Variants in PPARGC1A observed in about 807,000 individuals in gnomAD.
PPARGC1A encodes PPARG coactivator 1 alpha.
PPARGC1A carries 25 observed loss-of-function variants against 88.7 expected under a neutral mutation model. That is an observed-to-expected ratio of 0.28 (90% CI 0.21 to 0.39). The LOEUF is 0.39. Ranked by LOEUF, PPARGC1A falls within the 10% of genes least tolerant of loss-of-function variation. PPARGC1A has a pLI of 1.00. For missense variants in PPARGC1A, 880 were observed against 968.7 expected (o/e 0.91, Z 1.22); for synonymous variants, 363 against 355.6 (o/e 1.02, Z -0.24).
the PPARGC1A span, among the ~76,000 whole-genome samples, chr4:24,242,370 G>A: frequency 1.9e-3 from 294 of 152,288 alleles, no homozygotes; most frequent in African/African-American, 6.8e-3. Context: ...CAGATAACTT[G>A]ATGTGTTCTG....
the PPARGC1A span, among the ~76,000 whole-genome samples, chr4:24,123,550 G>A: frequency 3.3e-5 from 5 of 152,164 alleles, no homozygotes; most frequent in African/African-American, 1.2e-4. Context: ...TTCCACTATC[G>A]TTCTTGTCGG....
chr4:24,299,661 C>A, the PPARGC1A span, among the ~76,000 whole-genome samples: 1 of 151,800 alleles, frequency 6.6e-6, no homozygotes, highest in Non-Finnish European at 1.5e-5. Flanking sequence ...GGTATCCAAT[C>A]AAATCTCTGT....
At position 23,793,593 on chromosome 4, in the gene PPARGC1A, A is replaced by T. The variant is rs755845294; in HGVS notation, c.*2229T>A. On this transcript the variant is annotated 3_prime_UTR_variant, in exon 13 of 13. Transcript: ENST00000264867. ...GTGTATCATGTCTTCCAGAAAAGTCATGTCAGCCAAACAGTAATCGAATCT... is the reference window on the plus strand; with the variant it reads ...GTGTATCATGTCTTCCAGAAAAGTCTTGTCAGCCAAACAGTAATCGAATCT... The T allele has an allele frequency of 6.6e-6, 1 of 152,242 alleles. No individual in the cohort carries two copies. Among genetic ancestry groups the T allele is most frequent in the South Asian group, 2.1e-4 (1 of 4,832 alleles). 9.4% of individuals were successfully genotyped at this position (152,242 alleles called of 1,614,324 possible).
At chr4:24,256,447 G>C in the PPARGC1A span, among the ~76,000 whole-genome samples, 1 of 152,186 alleles carries the variant, frequency 6.6e-6, no homozygotes, top group Non-Finnish European at 1.5e-5. Context: ...ATGACAGTTA[G>C]TAAACAGGAG....
chr4:24,197,164 A>G, the PPARGC1A span, among the ~76,000 whole-genome samples: 1 of 152,228 alleles, frequency 6.6e-6, no homozygotes, highest in African/African-American at 2.4e-5. Context: ...GAAAGTTAGT[A>G]TTAGCCACCC....
chr4:24,270,014 G>T, the PPARGC1A span, among the ~76,000 whole-genome samples: 1 of 152,300 alleles, frequency 6.6e-6, no homozygotes, highest in South Asian at 2.1e-4. Context: ...ATTTATGAGA[G>T]TGTTTCTGGA....
chr4:23,968,991 C>T, the PPARGC1A span, among the ~76,000 whole-genome samples: 1 of 152,152 alleles, frequency 6.6e-6, no homozygotes, highest in East Asian at 1.9e-4. Flanking sequence ...TCATAGCTTG[C>T]AAAGGGCTTT....
intron 2 of PPARGC1A, among the ~76,000 whole-genome samples, chr4:23,836,995 C>T (rs911111144): frequency 6.6e-6 from 1 of 152,198 alleles, no homozygotes; most frequent in Non-Finnish European, 1.5e-5. Context: ...ATGAAAGGAC[C>T]ATGCCCTGCT....
intron 2 of PPARGC1A, among the ~76,000 whole-genome samples, chr4:23,861,960 A>G (rs1035795747): frequency 7.2e-5 from 11 of 152,252 alleles, no homozygotes; most frequent in Admixed American, 4.6e-4. Flanking sequence ...TGCATTATCA[A>G]TACTTGGTAA....
At chr4:24,450,798 GA>G in the PPARGC1A span, among the ~76,000 whole-genome samples, 13 of 150,712 alleles carry the variant, frequency 8.6e-5, no homozygotes, top group East Asian at 5.8e-4. Flanking sequence ...CCATTTGAAG[GA>G]AAAAAAAATA....
At chr4:24,167,098 A>T in the PPARGC1A span, among the ~76,000 whole-genome samples, 1 of 152,204 alleles carries the variant, frequency 6.6e-6, no homozygotes, top group Non-Finnish European at 1.5e-5. Flanking sequence ...CATTAATAAC[A>T]TTTACAATTC....
chr4:24,052,815 A>T, the PPARGC1A span, among the ~76,000 whole-genome samples: 1 of 150,510 alleles, frequency 6.6e-6, no homozygotes, highest in Admixed American at 6.6e-5. Context: ...TTTGATTTAT[A>T]GAAGTCATTC....
chr4:23,988,435 C>T, the PPARGC1A span, among the ~76,000 whole-genome samples: 2 of 151,926 alleles, frequency 1.3e-5, no homozygotes, highest in African/African-American at 4.8e-5. Flanking sequence ...CTCCACATTC[C>T]CCCAGCATGT....
chr4:24,218,808 C>T, the PPARGC1A span, among the ~76,000 whole-genome samples: 1 of 152,208 alleles, frequency 6.6e-6, no homozygotes, highest in Admixed American at 6.5e-5. Flanking sequence ...AGTGCTCAAG[C>T]AGCAATCATG....
the PPARGC1A span, among the ~76,000 whole-genome samples, chr4:24,108,273 AC>A: frequency 6.6e-6 from 1 of 152,262 alleles, no homozygotes; most frequent in East Asian, 1.9e-4. Context: ...TCCCATTTCA[AC>A]AAGCTTAATC....
chr4:24,100,875 C>T, the PPARGC1A span, among the ~76,000 whole-genome samples: 2 of 152,154 alleles, frequency 1.3e-5, no homozygotes, highest in African/African-American at 4.8e-5. Flanking sequence ...TTTCTAGCTT[C>T]TGTCTAAACA....
the PPARGC1A span, among the ~76,000 whole-genome samples, chr4:24,366,319 T>C: frequency 1.3e-5 from 2 of 152,360 alleles, no homozygotes; most frequent in African/African-American, 4.8e-5. Context: ...ATGTCATGTT[T>C]ATTGAAATGA....
At chr4:24,027,842 G>A in the PPARGC1A span, among the ~76,000 whole-genome samples, 1 of 152,066 alleles carries the variant, frequency 6.6e-6, no homozygotes, top group Non-Finnish European at 1.5e-5. Context: ...CGATGTCTTG[G>A]AACTCCACCC....
the PPARGC1A span, among the ~76,000 whole-genome samples, chr4:23,977,745 A>G: frequency 2.0e-5 from 3 of 152,218 alleles, no homozygotes; most frequent in Admixed American, 2.0e-4. Context: ...TACAAATATG[A>G]CAAATTAAAA....
Sources: allele counts gnomAD v4.1 joint callset (sites outside exome capture counted in the v4.1 genomes callset), GRCh38; gene constraint gnomAD v4.1.1; transcripts MANE v1.5; gene names NCBI Gene and HGNC (gene_info 2026-07-23, HGNC 2026-07-21).